Variants in PROS1 observed in about 807,000 individuals in gnomAD.
PROS1 encodes protein S.
Under a neutral mutation model 75.9 loss-of-function variants are expected in PROS1, and 29 were observed. The ratio of observed to expected loss-of-function variants is 0.38; its 90% CI spans 0.28 to 0.52. The LOEUF (loss-of-function observed/expected upper bound fraction) is 0.52. PROS1 is among the 20% of genes least tolerant of loss of function. The pLI, the probability that PROS1 is intolerant of heterozygous loss-of-function variation, is 0.83. For synonymous variants in PROS1, 245 were observed against 280.6 expected (o/e 0.87, Z 1.27); for missense variants, 680 against 810.3 (o/e 0.84, Z 1.95).
intron 8 of PROS1, among the ~76,000 whole-genome samples, chr3:93,896,925 G>T (rs1158778060): frequency 1.3e-5 from 2 of 151,992 alleles, no homozygotes. Flanking sequence ...CGTTCAATGT[G>T]CATGGCTTTC....
intron 1 of PROS1, among the ~76,000 whole-genome samples, chr3:93,943,424 C>G (rs907534574): frequency 1.3e-5 from 2 of 150,478 alleles, no homozygotes; most frequent in African/African-American, 2.5e-5. Context: ...TCATACAAAA[C>G]TGTATCCAGG....
intron 6 of PROS1, among the ~76,000 whole-genome samples, chr3:93,904,946 A>C (rs534098838): frequency 6.6e-6 from 1 of 152,216 alleles, no homozygotes; most frequent in Admixed American, 6.5e-5. Context: ...ATGACCAATG[A>C]TATGATCTTA....
At chr3:93,952,845 G>A (rs1709527067) in intron 1 of PROS1, among the ~76,000 whole-genome samples, 2 of 152,242 alleles carry the variant, frequency 1.3e-5, no homozygotes. Context: ...GACTAATAAA[G>A]AAGAAAAGAG....
chr3:93,937,547 T>G (rs547460425), intron 1 of PROS1, among the ~76,000 whole-genome samples: 2 of 152,152 alleles, frequency 1.3e-5, no homozygotes, highest in African/African-American at 4.8e-5. Flanking sequence ...TTTTGTATTT[T>G]TAGTAGAGAC....
At chr3:93,940,171 C>T (rs770768612) in intron 1 of PROS1, among the ~76,000 whole-genome samples, 2 of 152,106 alleles carry the variant, frequency 1.3e-5, no homozygotes, top group African/African-American at 4.8e-5. Flanking sequence ...CACTGGAAAT[C>T]GGACAGTCCA....
Position 93,879,293 on chromosome 3 carries a change from C to T in PROS1, c.1514G>A (p.Gly505Asp), listed in dbSNP as rs1294595480. ...ATTCAAGGTCACATTTACATGCCAA[C>T]CCTCAGCACTGGATACATTATCTAT... ...IDYNNVSSAE[G>D]WHVNVTLNIR... Residue 505 changes from glycine (G) to aspartate (D), a missense_variant, in exon 13 of 15, where the codon GGT (glycine) becomes GAT (aspartate). Coordinates refer to ENST00000394236, the MANE Select transcript of PROS1 (RefSeq NM_000313.4). The T allele has an allele frequency of 5.0e-6, 8 of 1,613,852 alleles. No homozygotes were observed. The highest frequency in any genetic ancestry group is 1.3e-5 in the African/African-American group (1 of 74,894).
At chr3:93,945,566 T>C (rs1299879658) in intron 1 of PROS1, among the ~76,000 whole-genome samples, 1 of 152,232 alleles carries the variant, frequency 6.6e-6, no homozygotes, top group African/African-American at 2.4e-5. Context: ...AACCACATGA[T>C]TATCTCAATA....
At chr3:93,910,576 G>A (rs1708744901) in intron 4 of PROS1, 43 bp downstream of exon 4, 1 of 1,497,780 alleles carries the variant, frequency 6.7e-7, no homozygotes, top group Non-Finnish European at 9.3e-7. Context: ...TTTACCTACA[G>A]AGTTTTTGTT....
intron 1 of PROS1, among the ~76,000 whole-genome samples, chr3:93,970,627 G>A (rs1169636812): frequency 6.6e-6 from 1 of 152,082 alleles, no homozygotes; most frequent in Non-Finnish European, 1.5e-5. Context: ...ACAGGCATGA[G>A]CGGCTATGAC....
chr3:93,937,699 G>C (rs1709207322), intron 1 of PROS1, among the ~76,000 whole-genome samples: 1 of 152,124 alleles, frequency 6.6e-6, no homozygotes, highest in Non-Finnish European at 1.5e-5. Context: ...GTTTAGGCCA[G>C]GCAGGCCCAG....
intron 1 of PROS1, among the ~76,000 whole-genome samples, chr3:93,972,855 A>G (rs1709900408): frequency 6.6e-6 from 1 of 152,144 alleles, no homozygotes; most frequent in Non-Finnish European, 1.5e-5. Flanking sequence ...CCTCAAACAA[A>G]CAAACAAAAA....
At chr3:93,921,254 C>T (rs1399049477) in intron 3 of PROS1, among the ~76,000 whole-genome samples, 1 of 152,184 alleles carries the variant, frequency 6.6e-6, no homozygotes, top group South Asian at 2.1e-4. Flanking sequence ...ATTTTTAACA[C>T]ACTTAAGATC....
At chr3:93,908,620 C>G (rs1708711151) in intron 4 of PROS1, among the ~76,000 whole-genome samples, 1 of 152,144 alleles carries the variant, frequency 6.6e-6, no homozygotes, top group Non-Finnish European at 1.5e-5. Context: ...ATTTCCAGAG[C>G]TCAGAGAGGG....
rs185805071 is a variant in PROS1 at position 93,957,704 on chromosome 3, T to C, written c.76+15970A>G. 1.4e-4 allele frequency among the ~76,000 whole-genome samples: 21 copies of C among 152,298 alleles called. No homozygotes were observed. In the East Asian group the frequency reaches 3.7e-3, roughly 27 times the overall value. On this transcript the variant is annotated intron_variant, in intron 1 of 14. Transcript: ENST00000394236. ...GTTGTCCTTTAGTATTCTTGGGGGATTGGCTCCAGGACCCCGGCAGATATA... is the reference window on the plus strand; with the variant it reads ...GTTGTCCTTTAGTATTCTTGGGGGACTGGCTCCAGGACCCCGGCAGATATA...
intron 1 of PROS1, among the ~76,000 whole-genome samples, chr3:93,927,889 ATATATATATATG>A (rs1482049549): frequency 3.5e-4 from 50 of 140,854 alleles, no homozygotes; most frequent in Non-Finnish European, 4.6e-4. Flanking sequence ...GTATGTGTAT[ATATATATATATG>A]TGTGTGTGTG....
intron 8 of PROS1, among the ~76,000 whole-genome samples, chr3:93,897,619 T>C (rs189606744): frequency 9.4e-4 from 143 of 152,190 alleles, no homozygotes; most frequent in Admixed American, 2.6e-3. Flanking sequence ...TTGCATATTA[T>C]TGAATGTGAC....
At chr3:93,965,199 C>T (rs1709769203) in intron 1 of PROS1, among the ~76,000 whole-genome samples, 1 of 152,204 alleles carries the variant, frequency 6.6e-6, no homozygotes, top group Non-Finnish European at 1.5e-5. Flanking sequence ...CACTCTATTT[C>T]ACAATATTAA....
At chr3:93,894,522 TA>T (rs750931697) in intron 9 of PROS1, among the ~76,000 whole-genome samples, 3 of 152,202 alleles carry the variant, frequency 2.0e-5, no homozygotes, top group Non-Finnish European at 4.4e-5. Context: ...ATTATGGAGA[TA>T]ATTTCCTTTT....
intron 1 of PROS1, among the ~76,000 whole-genome samples, chr3:93,949,839 G>C (rs942115453): frequency 6.6e-6 from 1 of 152,152 alleles, no homozygotes; most frequent in Non-Finnish European, 1.5e-5. Flanking sequence ...GGACTTGTTG[G>C]ACAGTGGGTG....
Sources: allele counts gnomAD v4.1 joint callset (sites outside exome capture counted in the v4.1 genomes callset), GRCh38; gene constraint gnomAD v4.1.1; transcripts MANE v1.5; gene names NCBI Gene and HGNC (gene_info 2026-07-23, HGNC 2026-07-21).